The following EEFSEC variants were observed in gnomAD, a reference collection of about 807,000 sequenced individuals.
EEFSEC encodes the protein selenocysteine-specific elongation factor.
In EEFSEC, 43 loss-of-function variants were observed where a neutral mutation model predicts 42.1. The ratio of observed to expected loss-of-function variants is 1.02; its 90% confidence interval spans 0.80 to 1.32. The LOEUF (loss-of-function observed/expected upper bound fraction) is 1.32, where lower values mean the gene tolerates loss of function less well. Among genes scored for constraint, EEFSEC ranks in the 40% most tolerant of loss-of-function variants. The probability of loss-of-function intolerance (pLI) is 0.00; values close to 1 mark genes in which losing one functional copy is unlikely to be tolerated. For missense variants in EEFSEC, 745 were observed against 803.6 expected (o/e 0.93, Z 0.88); for synonymous variants, 354 against 339.1 (o/e 1.04, Z -0.48).
intron 1 of EEFSEC, among the ~76,000 whole-genome samples, chr3:128,156,644 C>G (rs1364666738): frequency 6.6e-6 from 1 of 152,228 alleles, no homozygotes; most frequent in African/African-American, 2.4e-5. Context: ...ATTTCAAACA[C>G]ATGTCATCTG....
In EEFSEC at chr3:128,408,131, G is replaced by T. The variant is rs142650765; in HGVS notation, c.1663G>T (p.Gly555Cys). ...TPALKKRARA[G>C]RGEATRQEES... is the part of the protein sequence containing the mutation. ...CGCCCTCAAGAAGCGGGCCCGGGCT[G>T]GCCGTGGGGAGGCCACCAGGCAGGA... Residue 555 changes from glycine (G) to cysteine (C), a missense_variant, in exon 7 of 7, where the codon GGC becomes TGC. Physicochemically the swap from Gly to Cys is radical, Grantham distance 159. Transcript: ENST00000254730. 21 of 1,610,996 alleles carry T rather than the reference G, an allele frequency of 1.3e-5. No individual in the cohort carries two copies. In the African/African-American group the frequency reaches 2.7e-4, roughly 21 times the overall value.
chr3:128,289,123 G>A (rs2066616565), intron 4 of EEFSEC, among the ~76,000 whole-genome samples: 1 of 152,202 alleles, frequency 6.6e-6, no homozygotes, highest in Non-Finnish European at 1.5e-5. Context: ...CCCACCTGAG[G>A]CAGCTGTGCC....
At chr3:128,254,934 G>A (rs1339629382) in intron 2 of EEFSEC, among the ~76,000 whole-genome samples, 1 of 152,184 alleles carries the variant, frequency 6.6e-6, no homozygotes, top group African/African-American at 2.4e-5. Context: ...AGGATGGATT[G>A]GAGCAAGATC....
rs116079731 is a variant in EEFSEC, at chr3:128,247,703, G to A, written c.524+660G>A. On this transcript the variant is annotated intron_variant, in intron 2 of 6. Coordinates refer to ENST00000254730, the MANE Select transcript of EEFSEC (RefSeq NM_021937.5). ...GTTATTAAGGAATTTTATGCAAGGG[G>A]TGGCTAGATGAGGTTTTTCATTAGG... is the stretch of plus-strand genomic sequence containing the variant. Among the ~76,000 whole-genome samples the A allele has an allele frequency of 9.9e-3, 1,510 of 152,278 alleles. 15 individuals are homozygous for A. The highest frequency in any genetic ancestry group is 0.015 in the Non-Finnish European group (1,032 of 68,028).
chr3:128,209,274 T>C (rs2065731458), intron 1 of EEFSEC, among the ~76,000 whole-genome samples: 1 of 152,210 alleles, frequency 6.6e-6, no homozygotes, highest in African/African-American at 2.4e-5. Flanking sequence ...GTGTTTGTAC[T>C]AGGTGAGACT....
chr3:128,208,193 G>C (rs1026486025), intron 1 of EEFSEC, among the ~76,000 whole-genome samples: 2 of 152,180 alleles, frequency 1.3e-5, no homozygotes, highest in Admixed American at 1.3e-4. Flanking sequence ...AGCACAGGCT[G>C]GTCTCTGCCT....
chr3:128,274,940 G>A (rs953554546), intron 4 of EEFSEC, among the ~76,000 whole-genome samples: 1 of 152,214 alleles, frequency 6.6e-6, no homozygotes, highest in African/African-American at 2.4e-5. Context: ...AAGTTTCAAG[G>A]GGAAACTGTG....
intron 4 of EEFSEC, among the ~76,000 whole-genome samples, chr3:128,302,287 G>T (rs1220468636): frequency 6.6e-6 from 1 of 152,034 alleles, no homozygotes; most frequent in Non-Finnish European, 1.5e-5. Context: ...TATAATATTA[G>T]TGTGCATTTT....
intron 4 of EEFSEC, among the ~76,000 whole-genome samples, chr3:128,281,879 G>C (rs1319867696): frequency 6.6e-6 from 1 of 152,224 alleles, no homozygotes; most frequent in African/African-American, 2.4e-5. Flanking sequence ...GTGGGAAGCT[G>C]GGGCGTTCCC....
At chr3:128,194,003 C>CT (rs11412402) in intron 1 of EEFSEC, among the ~76,000 whole-genome samples, 98,803 of 152,010 alleles carry the variant, frequency 0.65, 34,176 homozygotes, top group African/African-American at 0.91. Flanking sequence ...CATCTTCCCC[C>CT]ATCCCCCAAC....
At chr3:128,261,478 G>C (rs140575237) in intron 2 of EEFSEC, among the ~76,000 whole-genome samples, 1 of 150,332 alleles carries the variant, frequency 6.7e-6, no homozygotes, top group East Asian at 2.0e-4. Context: ...CCTTGGCAAA[G>C]CATGGGAAAA....
chr3:128,366,068 C>G (rs556907807), intron 6 of EEFSEC, among the ~76,000 whole-genome samples: 1 of 152,358 alleles, frequency 6.6e-6, no homozygotes, highest in Non-Finnish European at 1.5e-5. Context: ...TTGTCAGGGC[C>G]TAAGTCCCAG....
chr3:128,367,653 C>G, intron 6 of EEFSEC: 1 of 985,438 alleles, frequency 1.0e-6, no homozygotes. Context: ...CGATTATGGA[C>G]TTATGTCCCC....
chr3:128,165,629 C>G (rs529412447), intron 1 of EEFSEC, among the ~76,000 whole-genome samples: 2 of 152,302 alleles, frequency 1.3e-5, no homozygotes, highest in African/African-American at 4.8e-5. Context: ...TGTCTTGAGG[C>G]CTTCAGGAAG....
Position 128,228,429 on chromosome 3 carries a change from C to T in EEFSEC, c.317-18407C>T, listed in dbSNP as rs144508658. Among the ~76,000 whole-genome samples the T allele has an allele frequency of 8.3e-4, 126 of 152,222 alleles. 3 individuals carry two copies. In the East Asian group the frequency reaches 0.023, roughly 28 times the overall value. On this transcript the variant is annotated intron_variant, in intron 1 of 6. Coordinates refer to ENST00000254730, the MANE Select transcript of EEFSEC (RefSeq NM_021937.5). ...AGGCACATGTGCATGGGCCACGGTC[C>T]TGGGGTGATAGAGAGCATGGCTGAG...
At chr3:128,282,852 C>T (rs746286776) in intron 4 of EEFSEC, among the ~76,000 whole-genome samples, 14 of 152,214 alleles carry the variant, frequency 9.2e-5, no homozygotes, top group Admixed American at 2.0e-4. Flanking sequence ...GACTGATCTC[C>T]CGACTTCACA....
the EEFSEC span, among the ~76,000 whole-genome samples, chr3:128,423,371 T>C: frequency 6.6e-6 from 1 of 152,120 alleles, no homozygotes; most frequent in African/African-American, 2.4e-5. Context: ...CCTAGCACTA[T>C]GGGAGGCTGA....
chr3:128,370,764 G>C (rs1319755619), intron 6 of EEFSEC, among the ~76,000 whole-genome samples: 1 of 152,248 alleles, frequency 6.6e-6, no homozygotes, highest in African/African-American at 2.4e-5. Context: ...GGGTGGAGAT[G>C]TTACAGAAAG....
intron 1 of EEFSEC, among the ~76,000 whole-genome samples, chr3:128,236,079 C>G (rs2066007708): frequency 6.6e-6 from 1 of 152,230 alleles, no homozygotes; most frequent in South Asian, 2.1e-4. Flanking sequence ...TTTCTCCTGT[C>G]TCAGGCTCCC....
Sources: allele counts gnomAD v4.1 joint callset (sites outside exome capture counted in the v4.1 genomes callset), GRCh38; gene constraint gnomAD v4.1.1; transcripts MANE v1.5; gene names NCBI Gene and HGNC (gene_info 2026-07-23, HGNC 2026-07-21).